The following TENM2 variants were observed in gnomAD, a reference collection of about 807,000 sequenced individuals.
The protein encoded by TENM2 is teneurin-2.
A neutral mutation model predicts 245.2 loss-of-function variants in TENM2; 52 were observed. The observed-to-expected ratio is 0.21, with a 90% CI of 0.17 to 0.27. The LOEUF (loss-of-function observed/expected upper bound fraction) is 0.27, where lower values mean the gene tolerates loss of function less well. TENM2 is among the 10% of genes least tolerant of loss of function. The pLI is 1.00. For missense variants in TENM2, 3,046 were observed against 3,666.8 expected (o/e 0.83, Z 4.37); for synonymous variants, 1,363 against 1,438.9 (o/e 0.95, Z 1.19).
intron 13 of TENM2, among the ~76,000 whole-genome samples, chr5:168,163,109 G>A (rs1425957498): frequency 6.6e-6 from 1 of 152,202 alleles, no homozygotes; most frequent in Non-Finnish European, 1.5e-5. Flanking sequence ...TATGCCTAAC[G>A]CACAAAGCTG....
chr5:167,327,622 C>T (rs913093257), intron 1 of TENM2, among the ~76,000 whole-genome samples: 5 of 152,010 alleles, frequency 3.3e-5, no homozygotes, highest in African/African-American at 7.3e-5. Context: ...GAGGATTTAC[C>T]GATAAAGGTG....
chr5:167,456,208 C>G lies in TENM2; in HGVS notation c.502+80735C>G, dbSNP rs1765913271. ...CCTTGGAAGAGATGACCCACTGTGT[C>G]CAGTTACTTATTTACACTCCAGTCA... On this transcript the variant is annotated intron_variant, in intron 2 of 28. Transcript: ENST00000518659. Among the ~76,000 whole-genome samples the G allele has an allele frequency of 1.3e-5, 2 of 152,126 alleles. 1 individual carries two copies. Among genetic ancestry groups the G allele is most frequent in the East Asian group, 3.9e-4 (2 of 5,180 alleles).
intron 3 of TENM2, among the ~76,000 whole-genome samples, chr5:167,881,009 A>C (rs1773834045): frequency 6.6e-6 from 1 of 152,114 alleles, no homozygotes; most frequent in Non-Finnish European, 1.5e-5. Flanking sequence ...TCTCATGAAA[A>C]CTTCAGGACA....
intron 2 of TENM2, among the ~76,000 whole-genome samples, chr5:167,458,502 A>C (rs981369176): frequency 1.1e-4 from 15 of 141,660 alleles, no homozygotes; most frequent in South Asian, 4.4e-4. Context: ...AACAAAAAAA[A>C]AAAAAAAAAA....
At chr5:166,993,588 G>C in the TENM2 span, among the ~76,000 whole-genome samples, 1,141 of 152,204 alleles carry the variant, frequency 7.5e-3, 16 homozygotes, top group African/African-American at 0.025. Flanking sequence ...ATGACTCATG[G>C]GGAAAACAGG....
At chr5:168,100,538 G>A (rs1013304481) in intron 9 of TENM2, among the ~76,000 whole-genome samples, 30 of 152,116 alleles carry the variant, frequency 2.0e-4, no homozygotes, top group South Asian at 4.2e-4. Flanking sequence ...TATACACCAC[G>A]AAATACTATG....
chr5:167,817,420 T>C (rs188329674), intron 2 of TENM2, among the ~76,000 whole-genome samples: 98 of 152,336 alleles, frequency 6.4e-4, no homozygotes, highest in Middle Eastern at 6.8e-3. Flanking sequence ...AAAAAACTTC[T>C]GTATTCTTCA....
In TENM2 at chr5:168,017,754, C is replaced by A. The variant is rs561713205; in HGVS notation, c.1186+24572C>A. On this transcript the variant is annotated intron_variant, in intron 5 of 28. Coordinates refer to ENST00000518659, the Ensembl canonical transcript of TENM2. ...GGGGCTTCATTGGCTCAATAATTAT[C>A]CCAACTGTTTTTTCAGTTGTGGCTA... is the stretch of plus-strand genomic sequence containing the variant. Among the ~76,000 whole-genome samples, 19 of 152,286 alleles carry A rather than the reference C, an allele frequency of 1.2e-4. No individual in the cohort carries two copies. In the South Asian group the frequency reaches 3.9e-3, roughly 32 times the overall value.
chr5:167,000,908 AGTT>A, the TENM2 span, among the ~76,000 whole-genome samples: 4 of 152,086 alleles, frequency 2.6e-5, no homozygotes, highest in African/African-American at 9.7e-5. Flanking sequence ...AGGAAGAGTA[AGTT>A]GTTGTATTTG....
intron 3 of TENM2, among the ~76,000 whole-genome samples, chr5:167,923,204 A>G (rs1777502795): frequency 6.6e-6 from 1 of 152,182 alleles, no homozygotes; most frequent in African/African-American, 2.4e-5. Context: ...GTGTAGTCCC[A>G]GCTACTCAGG....
the TENM2 span, among the ~76,000 whole-genome samples, chr5:167,155,478 C>T: frequency 2.6e-5 from 4 of 152,172 alleles, no homozygotes; most frequent in African/African-American, 9.7e-5. Flanking sequence ...TTTAAACTTG[C>T]CCCTGAACCC....
intron 3 of TENM2, chr5:167,937,709 T>C (rs1336940555): frequency 1.3e-5 from 2 of 152,160 alleles, no homozygotes; most frequent in Non-Finnish European, 2.9e-5. Flanking sequence ...GTTTGTGGTT[T>C]CTCCTTCGGG....
chr5:167,102,719 C>A, the TENM2 span, among the ~76,000 whole-genome samples: 23 of 152,320 alleles, frequency 1.5e-4, no homozygotes, highest in Middle Eastern at 3.4e-3. Flanking sequence ...AGCGCAGTGG[C>A]GCAGTCTCAG....
At chr5:167,773,194 T>G (rs1763516799) in intron 2 of TENM2, among the ~76,000 whole-genome samples, 1 of 152,218 alleles carries the variant, frequency 6.6e-6, no homozygotes, top group Admixed American at 6.5e-5. Flanking sequence ...TTTAACCTGC[T>G]TAAATTGGAT....
intron 4 of TENM2, among the ~76,000 whole-genome samples, chr5:167,962,451 T>A (rs1384829982): frequency 6.6e-6 from 1 of 152,198 alleles, no homozygotes; most frequent in African/African-American, 2.4e-5. Context: ...ACTGAGCACA[T>A]AGAATATGCA....
intron 2 of TENM2, among the ~76,000 whole-genome samples, chr5:167,554,586 A>G (rs980371790): frequency 2.0e-5 from 3 of 152,230 alleles, no homozygotes; most frequent in African/African-American, 7.2e-5. Flanking sequence ...AGCGACTTTT[A>G]TGGTTAATTC....
the TENM2 span, among the ~76,000 whole-genome samples, chr5:166,998,211 G>T: frequency 6.6e-6 from 1 of 152,132 alleles, no homozygotes; most frequent in Non-Finnish European, 1.5e-5. Flanking sequence ...ACCAAATGTG[G>T]TTATCTGGTG....
At chr5:167,329,319 G>A (rs1462991171) in intron 1 of TENM2, among the ~76,000 whole-genome samples, 1 of 151,486 alleles carries the variant, frequency 6.6e-6, no homozygotes, top group Non-Finnish European at 1.5e-5. Flanking sequence ...GCCGAGGCGG[G>A]CGGATCATGA....
At chr5:167,813,308 T>G in intron 2 of TENM2, among the ~76,000 whole-genome samples, 1 of 151,946 alleles carries the variant, frequency 6.6e-6, no homozygotes, top group South Asian at 2.1e-4. Context: ...TTTGGGAGGC[T>G]TTCAGAGGAA....
Sources: allele counts gnomAD v4.1 joint callset (sites outside exome capture counted in the v4.1 genomes callset), GRCh38; gene constraint gnomAD v4.1.1; transcripts MANE v1.5; gene names NCBI Gene and HGNC (gene_info 2026-07-23, HGNC 2026-07-21).